The following COG5 variants were observed in gnomAD, a reference collection of about 807,000 sequenced individuals.
The protein encoded by COG5 is component of oligomeric golgi complex 5, also known as conserved oligomeric Golgi complex subunit 5.
Under a neutral mutation model 110.4 loss-of-function variants are expected in COG5, and 86 were observed. The ratio of observed to expected loss-of-function variants is 0.78; its 90% CI spans 0.65 to 0.93. COG5 has a LOEUF of 0.93. Ranked by LOEUF, COG5 falls within the 40% of genes least tolerant of loss-of-function variation. The pLI is 0.00. For synonymous variants in COG5, 360 were observed against 334.6 expected, an observed-to-expected ratio of 1.08 and a Z score of -0.83; for missense variants, 1,077 against 987.0, an observed-to-expected ratio of 1.09 and a Z score of -1.22.
intron 2 of COG5, among the ~76,000 whole-genome samples, chr7:107,555,311 C>A (rs968932240): frequency 6.6e-5 from 10 of 152,144 alleles, no homozygotes; most frequent in Admixed American, 6.5e-4. Context: ...TGCAGGAATC[C>A]TTATTATTGT....
chr7:107,286,328 T>C (rs989773476), intron 12 of COG5, among the ~76,000 whole-genome samples: 1 of 152,232 alleles, frequency 6.6e-6, no homozygotes, highest in Non-Finnish European at 1.5e-5. Flanking sequence ...TTTGACCTTA[T>C]TGTAATTTAT....
intron 10 of COG5, among the ~76,000 whole-genome samples, chr7:107,348,220 T>C (rs1234832893): frequency 1.3e-5 from 2 of 151,670 alleles, no homozygotes; most frequent in Non-Finnish European, 2.9e-5. Flanking sequence ...TGCACTTCTG[T>C]GGTAATATTG....
chr7:107,416,558 C>G (rs1035569071), intron 6 of COG5, among the ~76,000 whole-genome samples: 1 of 152,094 alleles, frequency 6.6e-6, no homozygotes, highest in Non-Finnish European at 1.5e-5. Context: ...AGTATTATAA[C>G]TTATATATGT....
At chr7:107,204,550 T>C (rs117818105) in intron 21 of COG5, among the ~76,000 whole-genome samples, 211 of 152,358 alleles carry the variant, frequency 1.4e-3, no homozygotes, top group Non-Finnish European at 2.7e-3. Flanking sequence ...ATTGGAGCAT[T>C]TGTATAAAGA....
At chr7:107,555,778 G>A (rs1279926366) in intron 2 of COG5, among the ~76,000 whole-genome samples, 9 of 152,054 alleles carry the variant, frequency 5.9e-5, no homozygotes, top group African/African-American at 1.4e-4. Context: ...TTGGGAGACC[G>A]AGGTGGGTGG....
At chr7:107,249,690 T>TTGTGTCTG (rs1247487439) in intron 16 of COG5, among the ~76,000 whole-genome samples, 39 of 131,658 alleles carry the variant, frequency 3.0e-4, no homozygotes, top group South Asian at 8.0e-4. Context: ...ACGTACAGGA[T>TTGTGTCTG]TGTGTGTGTG....
chr7:107,201,550 T>G lies in COG5; in HGVS notation c.*1966A>C. 3.6e-6 allele frequency: 2 copies of G among 561,742 alleles called. No homozygotes were observed. Among genetic ancestry groups the G allele is most frequent in the Non-Finnish European group, 6.6e-6 (2 of 304,672 alleles). The allele number at this position is 561,742 out of a possible 1,614,324, so 34.8% of individuals were successfully genotyped here. Reference sequence around the variant, plus strand: ...AATTCGTGTGACCATAAGATACTGATAGCATTGAGTCTTGAAATGATTTAA... The same window carrying G: ...AATTCGTGTGACCATAAGATACTGAGAGCATTGAGTCTTGAAATGATTTAA... On this transcript the variant is annotated 3_prime_UTR_variant, in exon 22 of 22. Transcript: ENST00000297135.
chr7:107,385,988 TTGTG>T (rs59992824), intron 7 of COG5, among the ~76,000 whole-genome samples: 94,479 of 144,558 alleles, frequency 0.65, 31,161 homozygotes, highest in East Asian at 0.74. Flanking sequence ...AAACCAGGTT[TTGTG>T]TGTGTGTGTG....
intron 5 of COG5, among the ~76,000 whole-genome samples, chr7:107,547,001 A>G (rs546495280): frequency 6.6e-6 from 1 of 152,344 alleles, no homozygotes; most frequent in South Asian, 2.1e-4. Context: ...AAAATCAAAG[A>G]TGGAAAAGTA....
At chr7:107,352,662 T>G (rs1180609970) in intron 10 of COG5, among the ~76,000 whole-genome samples, 3 of 152,190 alleles carry the variant, frequency 2.0e-5, no homozygotes, top group African/African-American at 7.2e-5. Flanking sequence ...GTTACAGTCT[T>G]TAATGCTATT....
intron 10 of COG5, among the ~76,000 whole-genome samples, chr7:107,327,978 T>C (rs1809915237): frequency 6.6e-6 from 1 of 152,194 alleles, no homozygotes; most frequent in Non-Finnish European, 1.5e-5. Flanking sequence ...AAGATTTATT[T>C]GAATACTCAT....
intron 10 of COG5, among the ~76,000 whole-genome samples, chr7:107,342,040 G>A (rs10262523): frequency 0.13 from 19,897 of 151,932 alleles, 1,861 homozygotes; most frequent in African/African-American, 0.27. Flanking sequence ...GCCTAATTAG[G>A]CTTAAGAGCT....
At chr7:107,462,517 G>C (rs1338267644) in intron 6 of COG5, among the ~76,000 whole-genome samples, 1 of 151,236 alleles carries the variant, frequency 6.6e-6, no homozygotes, top group Admixed American at 6.6e-5. Flanking sequence ...TAAGGGGTCA[G>C]AGGGGAGCCT....
At chr7:107,530,596 C>T (rs1801125909) in intron 5 of COG5, among the ~76,000 whole-genome samples, 1 of 96,152 alleles carries the variant, frequency 1.0e-5, no homozygotes, top group African/African-American at 4.3e-5. Context: ...AGCGAAACTC[C>T]ATCTCAAAAA....
At chr7:107,286,698 A>G (rs1258104997) in intron 12 of COG5, among the ~76,000 whole-genome samples, 2 of 152,224 alleles carry the variant, frequency 1.3e-5, no homozygotes, top group Non-Finnish European at 2.9e-5. Context: ...ACCTTTCTCA[A>G]CGTGGCACTT....
At chr7:107,265,361 C>A (rs1451147617) in intron 14 of COG5, among the ~76,000 whole-genome samples, 1 of 152,116 alleles carries the variant, frequency 6.6e-6, no homozygotes, top group African/African-American at 2.4e-5. Flanking sequence ...TTCACTGCAG[C>A]CTCGACCTCC....
At chr7:107,430,971 A>AG (rs1793987748) in intron 6 of COG5, among the ~76,000 whole-genome samples, 1 of 152,170 alleles carries the variant, frequency 6.6e-6, no homozygotes, top group African/African-American at 2.4e-5. Flanking sequence ...CCATTAACCA[A>AG]GGGAAGTGGA....
chr7:107,474,188 C>T lies in COG5; in HGVS notation c.538+53049G>A, dbSNP rs1796829219. ...TCATATCCGTTAAGCTTTCAAGTGT[C>T]TCTCACCGGATTTCTTATGTTAGAA... On this transcript the variant is annotated intron_variant, in intron 6 of 21. Coordinates refer to ENST00000297135, the MANE Select transcript of COG5 (RefSeq NM_006348.5). The surrounding 1 kb of genome is among the most constrained non-coding windows in gnomAD (Gnocchi z 5.7). 7 of 1,612,688 alleles carry T rather than the reference C, an allele frequency of 4.3e-6. No homozygotes were observed. Among genetic ancestry groups the T allele is most frequent in the Non-Finnish European group, 5.1e-6 (6 of 1,178,910 alleles).
intron 5 of COG5, among the ~76,000 whole-genome samples, chr7:107,530,620 A>C (rs1346388162): frequency 1.3e-5 from 2 of 151,354 alleles, no homozygotes; most frequent in Admixed American, 1.3e-4. Context: ...AAAAAAAAAA[A>C]AAAAAACACA....
Sources: gnomAD v4.1 joint callset for allele counts (sites outside exome capture counted in the v4.1 genomes callset) on GRCh38, gnomAD v4.1.1 for gene constraint, Gnocchi (gnomAD v3.1) non-coding constraint, MANE v1.5 for transcripts, NCBI Gene and HGNC (gene_info 2026-07-23, HGNC 2026-07-21) for gene names.